The following ENPP2 variants were observed in gnomAD, a reference collection of about 807,000 sequenced individuals.
The protein encoded by ENPP2 is ectonucleotide pyrophosphatase/phosphodiesterase 2, also known as autotaxin.
A neutral mutation model predicts 120.2 loss-of-function variants in ENPP2; 51 were observed. That is an observed-to-expected ratio of 0.42 (90% CI 0.34 to 0.54). The LOEUF (loss-of-function observed/expected upper bound fraction) is 0.54. ENPP2 is among the 20% of genes least tolerant of loss of function. The probability of loss-of-function intolerance (pLI) is 0.04; values close to 1 mark genes in which losing one functional copy is unlikely to be tolerated. For missense variants in ENPP2, 920 were observed against 1,066.5 expected, an observed-to-expected ratio of 0.86 and a Z score of 1.91; for synonymous variants, 365 against 366.4, an observed-to-expected ratio of 1.00 and a Z score of 0.04.
intron 19 of ENPP2, among the ~76,000 whole-genome samples, chr8:119,579,666 A>G (rs1291980045): frequency 6.6e-6 from 1 of 151,918 alleles, no homozygotes; most frequent in African/African-American, 2.4e-5. Context: ...ATGATCCTTC[A>G]TATGAGGAGG....
upstream of ENPP2, among the ~76,000 whole-genome samples, chr8:119,639,864 C>T (rs1817219842): frequency 6.6e-6 from 1 of 152,182 alleles, no homozygotes; most frequent in African/African-American, 2.4e-5. Flanking sequence ...ATCAAGGGCT[C>T]TAAATCTGAA....
chr8:119,661,036 A>T (rs1193593149), intron 1 of ENPP2, among the ~76,000 whole-genome samples: 1 of 152,164 alleles, frequency 6.6e-6, no homozygotes, highest in Non-Finnish European at 1.5e-5. Context: ...TGAAGCTGGA[A>T]ACCATCATCC....
At chr8:119,583,932 C>A (rs761538869) in intron 16 of ENPP2, 30 bp downstream of exon 16, 1 of 1,559,026 alleles carries the variant, frequency 6.4e-7, no homozygotes, top group Admixed American at 1.7e-5. Flanking sequence ...CACTAAAACA[C>A]AATTTCAATT....
intron 1 of ENPP2, among the ~76,000 whole-genome samples, chr8:119,658,425 C>A (rs1181439786): frequency 1.3e-5 from 2 of 152,212 alleles, no homozygotes; most frequent in African/African-American, 4.8e-5. Flanking sequence ...CATGTGCCAC[C>A]ATGCCAGCTA....
chr8:119,652,923 A>G (rs1454400067), intron 1 of ENPP2, among the ~76,000 whole-genome samples: 1 of 152,236 alleles, frequency 6.6e-6, no homozygotes, highest in Admixed American at 6.5e-5. Flanking sequence ...ACAACTTTGC[A>G]CTAGGAGAGA....
intron 24 of ENPP2, among the ~76,000 whole-genome samples, chr8:119,557,988 G>A (rs1813603195): frequency 6.6e-6 from 1 of 152,268 alleles, no homozygotes; most frequent in Middle Eastern, 3.4e-3. Flanking sequence ...TCAAAATTAG[G>A]AAAACCAAAG....
At chr8:119,640,288 C>A (rs762719686), upstream of ENPP2, among the ~76,000 whole-genome samples, 1 of 152,138 alleles carries the variant, frequency 6.6e-6, no homozygotes, top group African/African-American at 2.4e-5. Context: ...CCATACTGAA[C>A]AAATTTGGAG....
chr8:119,566,015 G>T (rs555071865), intron 22 of ENPP2, among the ~76,000 whole-genome samples: 1 of 151,960 alleles, frequency 6.6e-6, no homozygotes, highest in Non-Finnish European at 1.5e-5. Flanking sequence ...CCTATCACTC[G>T]CAAGACTTTC....
intron 1 of ENPP2, among the ~76,000 whole-genome samples, chr8:119,647,759 C>G (rs948157139): frequency 6.6e-6 from 1 of 152,136 alleles, no homozygotes; most frequent in African/African-American, 2.4e-5. Flanking sequence ...AATCCTAGCA[C>G]TTTGGGAGGC....
rs559662866 is a variant in ENPP2, at chr8:119,671,246, A to G, written c.21+2006T>C. ...AACCCGGGAGGTGGAAGTTGCAGTG[A>G]GCTGAGATTGCGCCACTGCACTCCA... On this transcript the variant is annotated intron_variant, in intron 1 of 25. Transcript: ENST00000427067. Among the ~76,000 whole-genome samples the G allele has an allele frequency of 2.2e-4, 34 of 152,150 alleles. 1 individual carries two copies. The East Asian group carries it at 6.6e-3, about 29-fold the overall frequency.
At chr8:119,607,734 A>T (rs1378959941) in intron 9 of ENPP2, among the ~76,000 whole-genome samples, 188 bp downstream of exon 9, 4 of 152,068 alleles carry the variant, frequency 2.6e-5, no homozygotes, top group African/African-American at 9.7e-5. Context: ...GGACAAAAAG[A>T]AGGTAGGATG....
At chr8:119,633,051 A>G (rs1816779727) in intron 2 of ENPP2, among the ~76,000 whole-genome samples, 1 of 152,236 alleles carries the variant, frequency 6.6e-6, no homozygotes, top group South Asian at 2.1e-4. Context: ...GCGAAACTCC[A>G]TCTCAAAAAA....
intron 18 of ENPP2, chr8:119,580,924 A>G (rs1009016743): frequency 6.6e-6 from 1 of 152,182 alleles, no homozygotes; most frequent in African/African-American, 2.4e-5. Context: ...AAACTATAGT[A>G]TAGGTTATTT....
At chr8:119,576,273 G>GA (rs1376736109) in intron 19 of ENPP2, among the ~76,000 whole-genome samples, 2 of 152,274 alleles carry the variant, frequency 1.3e-5, no homozygotes, top group East Asian at 3.9e-4. Flanking sequence ...TAGTAGCTGG[G>GA]ATTACAGGTG....
intron 1 of ENPP2, among the ~76,000 whole-genome samples, chr8:119,653,196 G>A (rs1817674180): frequency 6.6e-6 from 1 of 152,188 alleles, no homozygotes; most frequent in African/African-American, 2.4e-5. Flanking sequence ...TGACCAGGAT[G>A]AGGAGAGGTC....
chr8:119,652,946 G>C (rs900649727), intron 1 of ENPP2, among the ~76,000 whole-genome samples: 2 of 152,162 alleles, frequency 1.3e-5, no homozygotes, highest in African/African-American at 2.4e-5. Context: ...AGCACTAACA[G>C]CAATTCTTGT....
chr8:119,663,162 G>T (rs984410671), intron 1 of ENPP2, among the ~76,000 whole-genome samples: 2 of 148,938 alleles, frequency 1.3e-5, no homozygotes, highest in Non-Finnish European at 3.0e-5. Flanking sequence ...GAAAAGAAAA[G>T]AAAATGGGTA....
chr8:119,607,923 C>A lies in ENPP2; in HGVS notation c.832G>T (p.Val278Phe). Residue 278 changes from valine (V) to phenylalanine (F), a missense_variant and splice_region_variant, in exon 9 of 25, where the codon GTT becomes TTT. By Grantham distance (50) the Val-to-Phe change is conservative (BLOSUM62 -1). Coordinates refer to ENST00000075322, the MANE Select transcript of ENPP2 (RefSeq NM_001040092.3). Reference sequence around the variant, plus strand: ...ATTGACAAAATAAAGGTAACTTACACAGACCAAAAGAATGTTCCAGCTTTC... The same window carrying A: ...ATTGACAAAATAAAGGTAACTTACAAAGACCAAAAGAATGTTCCAGCTTTC... ...GVKAGTFFWS[V>F]VIPHERRILT... 1 of 1,599,890 alleles carries A rather than the reference C, an allele frequency of 6.3e-7. No homozygotes were observed. Among genetic ancestry groups the A allele is most frequent in the Non-Finnish European group, 8.5e-7 (1 of 1,170,212 alleles).
chr8:119,610,828 AG>A (rs1428813852), intron 8 of ENPP2, among the ~76,000 whole-genome samples: 7 of 151,640 alleles, frequency 4.6e-5, no homozygotes, highest in Non-Finnish European at 1.0e-4. Flanking sequence ...GCTTAAACCC[AG>A]GAGGTACAGG....
Sources: gnomAD v4.1 joint callset for allele counts (sites outside exome capture counted in the v4.1 genomes callset) on GRCh38, gnomAD v4.1.1 for gene constraint, MANE v1.5 for transcripts, NCBI Gene and HGNC (gene_info 2026-07-23, HGNC 2026-07-21) for gene names.